The following TNFAIP8 variants were observed in gnomAD, a reference collection of about 807,000 sequenced individuals.
TNFAIP8 encodes TNF alpha induced protein 8.
A neutral mutation model predicts 13.3 loss-of-function variants in TNFAIP8; 7 were observed. The observed-to-expected ratio is 0.52, with a 90% CI of 0.30 to 0.99. The LOEUF (loss-of-function observed/expected upper bound fraction) is 0.99. TNFAIP8 is among the 50% of genes least tolerant of loss of function. TNFAIP8 has a pLI of 0.07. For synonymous variants in TNFAIP8, 94 were observed against 87.6 expected (o/e 1.07, Z -0.41); for missense variants, 258 against 236.9 (o/e 1.09, Z -0.58).
At chr5:119,287,288 T>TG (rs1748828604) in intron 1 of TNFAIP8, among the ~76,000 whole-genome samples, 3 of 141,524 alleles carry the variant, frequency 2.1e-5, no homozygotes, top group African/African-American at 2.5e-5. Flanking sequence ...AAGTTTTTTT[T>TG]TTTTTTTTTT....
chr5:119,295,707 A>G (rs1300775451), intron 1 of TNFAIP8, among the ~76,000 whole-genome samples: 2 of 152,158 alleles, frequency 1.3e-5, no homozygotes, highest in East Asian at 1.9e-4. Flanking sequence ...TTGAATCTAT[A>G]AATTACCTTG....
rs2112884213 is a variant in TNFAIP8, at chr5:119,398,794, A to G, written c.*5413A>G. ...ATAAAAACTCAGAGTATAAATATCT[A>G]TATTGTTACCATTATCTGGGATAAT... On this transcript the variant is annotated 3_prime_UTR_variant, in exon 2 of 2. Transcript: ENST00000504771. The G allele has an allele frequency of 6.6e-6, 1 of 152,298 alleles. No homozygotes were observed. The highest frequency in any genetic ancestry group is 1.9e-4 in the East Asian group (1 of 5,186). The allele number at this position is 152,298 out of a possible 1,614,324, so 9.4% of individuals were successfully genotyped here. A position where few individuals can be genotyped will look rare whatever the true frequency, so the allele number is the denominator to read the frequency against.
rs1026815213 is a variant in TNFAIP8 at position 119,394,666 on chromosome 5, G to T, written c.*1285G>T. The T allele has an allele frequency of 7.1e-6, 1 of 141,066 alleles. No homozygotes were observed. Among genetic ancestry groups the T allele is most frequent in the African/African-American group, 2.8e-5 (1 of 35,350 alleles). The allele number at this position is 141,066 out of a possible 1,614,324, so 8.7% of individuals were successfully genotyped here. On this transcript the variant is annotated 3_prime_UTR_variant, in exon 2 of 2. Coordinates refer to ENST00000504771, the MANE Select transcript of TNFAIP8 (RefSeq NM_014350.4). ...CTGTTGTTTAGGCTAGAATGCAGTG[G>T]CATGATTTTGGCTCACTGCAACCTC...
intron 1 of TNFAIP8, among the ~76,000 whole-genome samples, chr5:119,313,765 T>C (rs1749802819): frequency 6.6e-6 from 1 of 152,228 alleles, no homozygotes; most frequent in African/African-American, 2.4e-5. Context: ...CATAATGTGA[T>C]CCTTGTGCTT....
chr5:119,318,344 A>G (rs1363383058), intron 1 of TNFAIP8, among the ~76,000 whole-genome samples: 1 of 152,142 alleles, frequency 6.6e-6, no homozygotes, highest in Non-Finnish European at 1.5e-5. Context: ...TCTGGAGTGC[A>G]GTAATGTGAT....
At position 119,372,205 on chromosome 5, in the gene TNFAIP8, G is replaced by A. The variant is rs1489578205; in HGVS notation, c.31+16084G>A. On this transcript the variant is annotated intron_variant, in intron 1 of 1. Coordinates refer to ENST00000504771, the MANE Select transcript of TNFAIP8 (RefSeq NM_014350.4). ...ATTAGCCAACTGTGGTGGCACACCT[G>A]TAGTACTAGCTACTCAGAAGGCTGA... Among the ~76,000 whole-genome samples the A allele has an allele frequency of 3.3e-5, 5 of 151,066 alleles. No homozygotes were observed. In the East Asian group the frequency reaches 9.7e-4, roughly 29 times the overall value.
intron 1 of TNFAIP8, among the ~76,000 whole-genome samples, chr5:119,282,679 A>G (rs1673916781): frequency 1.3e-5 from 2 of 152,166 alleles, no homozygotes; most frequent in Admixed American, 6.5e-5. Flanking sequence ...TTCACAGCCT[A>G]GGCCCCTGGC....
In TNFAIP8 at chr5:119,394,275, G is replaced by A. The variant is rs779353362; in HGVS notation, c.*894G>A. The A allele has an allele frequency of 1.4e-4, 22 of 152,272 alleles. No individual in the cohort carries two copies. The highest frequency in any genetic ancestry group is 2.4e-4 in the Non-Finnish European group (16 of 68,024). 9.4% of individuals were successfully genotyped at this position (152,272 alleles called of 1,614,324 possible). On this transcript the variant is annotated 3_prime_UTR_variant, in exon 2 of 2. Coordinates refer to ENST00000504771, the MANE Select transcript of TNFAIP8 (RefSeq NM_014350.4). ...CAGATGAACTCATTGAAACAATTTA[G>A]GGGAATGAGGGGCAAAAGGGGAGAA...
chr5:119,300,916 G>T (rs1347203278), intron 1 of TNFAIP8, among the ~76,000 whole-genome samples: 1 of 152,236 alleles, frequency 6.6e-6, no homozygotes, highest in Non-Finnish European at 1.5e-5. Context: ...TGCAGGTGCA[G>T]ATGGGAGTTA....
chr5:119,327,438 G>A (rs1258593432), intron 1 of TNFAIP8, among the ~76,000 whole-genome samples: 3 of 152,056 alleles, frequency 2.0e-5, no homozygotes, highest in African/African-American at 7.2e-5. Context: ...AATTGGAAAA[G>A]GTTTTATTGT....
intron 1 of TNFAIP8, among the ~76,000 whole-genome samples, chr5:119,271,120 G>T (rs1456937896): frequency 6.6e-6 from 1 of 152,214 alleles, no homozygotes; most frequent in Non-Finnish European, 1.5e-5. Context: ...CAGAAACCTG[G>T]GGGTGAACAC....
chr5:119,286,594 C>T (rs1291163382), intron 1 of TNFAIP8, among the ~76,000 whole-genome samples: 2 of 149,306 alleles, frequency 1.3e-5, no homozygotes, highest in Non-Finnish European at 3.0e-5. Context: ...TGTGCTCCAG[C>T]CAGGGCGACA....
intron 1 of TNFAIP8, among the ~76,000 whole-genome samples, chr5:119,358,945 T>A (rs772203749): frequency 6.6e-6 from 1 of 152,170 alleles, no homozygotes; most frequent in Non-Finnish European, 1.5e-5. Flanking sequence ...GCTCCTCCAT[T>A]GCCCATAGTA....
intron 1 of TNFAIP8, among the ~76,000 whole-genome samples, chr5:119,324,274 C>CAAAAAAAAAAAAAAAAAA (rs56104829): frequency 5.1e-5 from 4 of 77,670 alleles, no homozygotes; most frequent in Admixed American, 1.5e-4. Context: ...GACGCCATCT[C>CAAAAAAAAAAAAAAAAAA]AAAAAAAAAA....
rs780690506 is a variant in TNFAIP8 at position 119,392,766 on chromosome 5, G to A, written c.32-50G>A. 16 of 1,475,554 alleles carry A rather than the reference G, an allele frequency of 1.1e-5. 1 individual carries two copies. The South Asian group carries it at 2.1e-4, about 19-fold the overall frequency. The allele number at this position is 1,475,554 out of a possible 1,614,324, so 91.4% of individuals were successfully genotyped here. On this transcript the variant is annotated intron_variant, in intron 1 of 1. Coordinates refer to ENST00000504771, the MANE Select transcript of TNFAIP8 (RefSeq NM_014350.4). ...TACCTGTTTTTAGTTCGCTTCACTT[G>A]CTGATATTTACTAATTGTTAATTCT...
intron 1 of TNFAIP8, among the ~76,000 whole-genome samples, chr5:119,338,732 A>G (rs1488400662): frequency 6.6e-6 from 1 of 152,246 alleles, no homozygotes; most frequent in East Asian, 1.9e-4. Flanking sequence ...TGTACAAGAA[A>G]GAGAAACCCC....
chr5:119,279,354 G>T (rs1748561068), intron 1 of TNFAIP8, among the ~76,000 whole-genome samples: 1 of 152,040 alleles, frequency 6.6e-6, no homozygotes, highest in Non-Finnish European at 1.5e-5. Context: ...CAACCAGTCT[G>T]GTTCTGCTAC....
chr5:119,327,458 TTTTG>T (rs960660974), intron 1 of TNFAIP8, among the ~76,000 whole-genome samples: 4 of 152,286 alleles, frequency 2.6e-5, no homozygotes, highest in Admixed American at 1.3e-4. Context: ...TTTTGGGTTT[TTTTG>T]TTTGTTTGTT....
intron 1 of TNFAIP8, chr5:119,306,196 G>T (rs1354635549): frequency 6.6e-6 from 1 of 152,194 alleles, no homozygotes; most frequent in Non-Finnish European, 1.5e-5. Flanking sequence ...AAACAGAAAA[G>T]AAGCAGAAGA....
Sources: allele counts gnomAD v4.1 joint callset (sites outside exome capture counted in the v4.1 genomes callset), GRCh38; gene constraint gnomAD v4.1.1; transcripts MANE v1.5; gene names NCBI Gene and HGNC (gene_info 2026-07-23, HGNC 2026-07-21).